PABPC4L: variants seen among roughly 807,000 people sequenced by gnomAD.
PABPC4L encodes polyadenylate-binding protein 4-like.
For missense variants in PABPC4L, 452 were observed against 451.4 expected (o/e 1.00, Z -0.01); for synonymous variants, 169 against 164.1 (o/e 1.03, Z -0.23).
chr4:133,973,122 A>G, the PABPC4L span, among the ~76,000 whole-genome samples: 1 of 152,212 alleles, frequency 6.6e-6, no homozygotes, highest in Non-Finnish European at 1.5e-5. Flanking sequence ...TATGACCAAA[A>G]TAAAGCAAGA....
chr4:134,054,242 A>T, the PABPC4L span, among the ~76,000 whole-genome samples: 1 of 109,140 alleles, frequency 9.2e-6, no homozygotes, highest in Admixed American at 1.2e-4. Context: ...AGACTACTTT[A>T]GTTGTATATG....
the PABPC4L span, among the ~76,000 whole-genome samples, chr4:133,948,551 A>C: frequency 6.6e-6 from 1 of 152,234 alleles, no homozygotes; most frequent in Non-Finnish European, 1.5e-5. Context: ...GGAGTGATTC[A>C]TATTCCCTAT....
At chr4:134,053,338 C>A in the PABPC4L span, among the ~76,000 whole-genome samples, 1 of 152,044 alleles carries the variant, frequency 6.6e-6, no homozygotes, top group African/African-American at 2.4e-5. Context: ...GATGGGCACC[C>A]TTGTTTACTG....
At chr4:134,107,377 TAAC>T in the PABPC4L span, among the ~76,000 whole-genome samples, 5 of 151,576 alleles carry the variant, frequency 3.3e-5, no homozygotes, top group Admixed American at 6.6e-5. Flanking sequence ...TTAATTTGCT[TAAC>T]AAACAGTTTT....
the PABPC4L span, among the ~76,000 whole-genome samples, chr4:134,146,604 G>A: frequency 6.6e-6 from 1 of 152,040 alleles, no homozygotes; most frequent in African/African-American, 2.4e-5. Flanking sequence ...GTGACTAAGA[G>A]GAATAAGGTA....
At chr4:134,167,522 T>C in the PABPC4L span, among the ~76,000 whole-genome samples, 2 of 151,910 alleles carry the variant, frequency 1.3e-5, no homozygotes, top group Non-Finnish European at 2.9e-5. Flanking sequence ...GACTCAAGTA[T>C]ATGCTGTGTA....
the PABPC4L span, among the ~76,000 whole-genome samples, chr4:134,190,086 G>C: frequency 6.6e-6 from 1 of 152,078 alleles, no homozygotes; most frequent in Non-Finnish European, 1.5e-5. Context: ...TGATCTCTCA[G>C]GCTTATCTGC....
the PABPC4L span, among the ~76,000 whole-genome samples, chr4:134,103,533 A>G: frequency 6.6e-6 from 1 of 151,518 alleles, no homozygotes; most frequent in South Asian, 2.1e-4. Flanking sequence ...AAAGATGCCA[A>G]TCATATTGAT....
the PABPC4L span, among the ~76,000 whole-genome samples, chr4:133,988,212 C>G: frequency 6.6e-6 from 1 of 152,160 alleles, no homozygotes; most frequent in Non-Finnish European, 1.5e-5. Context: ...ATTATGTTCT[C>G]ACATTTCAAA....
chr4:134,096,038 C>T, the PABPC4L span, among the ~76,000 whole-genome samples: 37 of 151,980 alleles, frequency 2.4e-4, no homozygotes, highest in Non-Finnish European at 4.4e-4. Context: ...AGCTTCATTG[C>T]TTCATGAGGC....
At chr4:134,128,493 C>A in the PABPC4L span, among the ~76,000 whole-genome samples, 4 of 152,124 alleles carry the variant, frequency 2.6e-5, no homozygotes, top group African/African-American at 7.2e-5. Context: ...GACTGGGGTC[C>A]TATCTTTAGC....
chr4:134,193,707 A>C (rs75081248), downstream of PABPC4L, among the ~76,000 whole-genome samples: 13,790 of 151,990 alleles, frequency 0.091, 695 homozygotes, highest in South Asian at 0.13. Context: ...GTCCAGAAGC[A>C]TAAGAATATC....
chr4:134,050,985 A>G, the PABPC4L span, among the ~76,000 whole-genome samples: 3 of 151,700 alleles, frequency 2.0e-5, no homozygotes, highest in Non-Finnish European at 4.4e-5. Context: ...ATTTTGGGAC[A>G]TATTTTAAAA....
chr4:133,956,077 T>C, the PABPC4L span, among the ~76,000 whole-genome samples: 1 of 152,266 alleles, frequency 6.6e-6, no homozygotes, highest in South Asian at 2.1e-4. Context: ...ATGAGGGATT[T>C]CAACATTCAA....
chr4:134,184,589 G>C, the PABPC4L span, among the ~76,000 whole-genome samples: 3 of 151,716 alleles, frequency 2.0e-5, no homozygotes, highest in Non-Finnish European at 4.4e-5. Flanking sequence ...TTTTGTTTTA[G>C]TGCTGAATAT....
chr4:134,095,263 TTC>T, the PABPC4L span, among the ~76,000 whole-genome samples: 1 of 151,946 alleles, frequency 6.6e-6, no homozygotes, highest in South Asian at 2.1e-4. Flanking sequence ...AAGACAACAA[TTC>T]TCTGTTATCT....
the PABPC4L span, among the ~76,000 whole-genome samples, chr4:134,060,648 C>A: frequency 6.6e-6 from 1 of 151,690 alleles, no homozygotes; most frequent in Non-Finnish European, 1.5e-5. Context: ...TGGCAGGACC[C>A]ATCACCTGGT....
chr4:134,098,525 A>G, the PABPC4L span, among the ~76,000 whole-genome samples: 3 of 151,686 alleles, frequency 2.0e-5, no homozygotes, highest in Non-Finnish European at 4.4e-5. Flanking sequence ...TTAAATTTTC[A>G]ACTTGTTATA....
At chr4:134,035,824 C>A in the PABPC4L span, among the ~76,000 whole-genome samples, 4 of 151,972 alleles carry the variant, frequency 2.6e-5, no homozygotes, top group Non-Finnish European at 4.4e-5. Flanking sequence ...TGTTTTTATG[C>A]ACCTTCATTC....
Sources: allele counts gnomAD v4.1 joint callset (sites outside exome capture counted in the v4.1 genomes callset), GRCh38; gene constraint gnomAD v4.1.1; transcripts MANE v1.5; gene names NCBI Gene and HGNC (gene_info 2026-07-23, HGNC 2026-07-21).